Variants in NME7 observed in about 807,000 individuals in gnomAD.
NME7 encodes nucleoside diphosphate kinase 7.
NME7 carries 41 observed loss-of-function variants against 49.1 expected under a neutral mutation model. The observed-to-expected ratio is 0.83, with a 90% CI of 0.65 to 1.08. The LOEUF is 1.08. Among genes scored for constraint, NME7 ranks in the 50% least tolerant of loss-of-function variants. The pLI, the probability that NME7 is intolerant of heterozygous loss-of-function variation, is 0.00. For missense variants in NME7, 423 were observed against 463.4 expected, an observed-to-expected ratio of 0.91 and a Z score of 0.80; for synonymous variants, 139 against 150.6, an observed-to-expected ratio of 0.92 and a Z score of 0.56.
intron 1 of NME7, among the ~76,000 whole-genome samples, chr1:169,366,215 T>A (rs1003408187): frequency 1.3e-5 from 2 of 152,232 alleles, no homozygotes; most frequent in African/African-American, 4.8e-5. Context: ...AAGGAATTAA[T>A]GACTATGAAC....
chr1:169,186,093 G>A (rs926791313), intron 10 of NME7, among the ~76,000 whole-genome samples: 2 of 152,074 alleles, frequency 1.3e-5, no homozygotes, highest in Non-Finnish European at 2.9e-5. Context: ...TGCAAAATGG[G>A]TAAAGATGAA....
chr1:169,215,309 G>T (rs900628533), intron 10 of NME7, among the ~76,000 whole-genome samples: 2 of 152,106 alleles, frequency 1.3e-5, no homozygotes, highest in African/African-American at 2.4e-5. Flanking sequence ...GGCACAGGAT[G>T]GGGGGCAGGG....
At chr1:169,147,805 G>T (rs963771432) in intron 11 of NME7, among the ~76,000 whole-genome samples, 10 of 152,154 alleles carry the variant, frequency 6.6e-5, no homozygotes, top group African/African-American at 2.4e-4. Context: ...GTGTGACTTT[G>T]CTGTGGATAA....
At chr1:169,300,755 T>C (rs1403831542) in intron 5 of NME7, among the ~76,000 whole-genome samples, 2 of 151,922 alleles carry the variant, frequency 1.3e-5, no homozygotes, top group Non-Finnish European at 1.5e-5. Context: ...CACTGGAACA[T>C]AATAGAGAAC....
Position 169,275,466 on chromosome 1 carries a change from G to A in NME7, c.754+11837C>T, listed in dbSNP as rs1360739801. Among the ~76,000 whole-genome samples, 49 of 73,504 alleles carry A rather than the reference G, an allele frequency of 6.7e-4. 2 individuals are homozygous for A. Among genetic ancestry groups the A allele is most frequent in the African/African-American group, 2.2e-3 (46 of 20,856 alleles). The allele number at this position is 73,504 out of a possible 152,430, so 48.2% of individuals were successfully genotyped here. ...TGCACTCCAGCCTGGGCGACAGAGC[G>A]AAACTCCGTCTCAAAAAAAAAAAAA... is the stretch of plus-strand genomic sequence containing the variant. On this transcript the variant is annotated intron_variant, in intron 7 of 11. Transcript: ENST00000367811.
chr1:169,169,607 A>G, intron 10 of NME7, 53 bp from the exon 11 acceptor site: 1 of 1,472,354 alleles, frequency 6.8e-7, no homozygotes, highest in South Asian at 1.1e-5. Flanking sequence ...GGTATAAATA[A>G]GAAAAACACT....
chr1:169,148,349 A>C (rs1413990837), intron 11 of NME7, among the ~76,000 whole-genome samples: 2 of 152,142 alleles, frequency 1.3e-5, no homozygotes, highest in African/African-American at 4.8e-5. Flanking sequence ...TTCTCAATAC[A>C]TGTGCTCTTG....
chr1:169,252,457 A>G (rs1451348788), intron 7 of NME7, among the ~76,000 whole-genome samples: 1 of 151,992 alleles, frequency 6.6e-6, no homozygotes, highest in Admixed American at 6.6e-5. Flanking sequence ...GATTCTGGAT[A>G]TTAGCCCTTT....
In NME7 at chr1:169,236,105, G is replaced by A. The variant is rs372983899; in HGVS notation, c.820-906C>T. 1.9e-3 allele frequency among the ~76,000 whole-genome samples: 288 copies of A among 152,100 alleles called. 2 individuals carry two copies. The highest frequency in any genetic ancestry group is 6.8e-3 in the African/African-American group (282 of 41,530). On this transcript the variant is annotated intron_variant, in intron 8 of 11. Transcript: ENST00000367811. ...ATGGGCAACATTACTACCATAGGGAGGAAATTCTGTTGGATTTCAGTGTTT... is the reference window on the plus strand; with the variant it reads ...ATGGGCAACATTACTACCATAGGGAAGAAATTCTGTTGGATTTCAGTGTTT...
intron 10 of NME7, among the ~76,000 whole-genome samples, chr1:169,226,823 C>T (rs150033513): frequency 8.5e-5 from 13 of 152,240 alleles, no homozygotes; most frequent in African/African-American, 2.2e-4. Context: ...ACATTTTACA[C>T]GTTAAATCAG....
At chr1:169,318,032 C>T (rs568979809) in intron 3 of NME7, among the ~76,000 whole-genome samples, 3 of 152,208 alleles carry the variant, frequency 2.0e-5, no homozygotes, top group Admixed American at 6.5e-5. Flanking sequence ...AATCAGAGTC[C>T]GGCACCTGCA....
chr1:169,197,514 T>C (rs1229653997), intron 10 of NME7, among the ~76,000 whole-genome samples: 1 of 152,114 alleles, frequency 6.6e-6, no homozygotes, highest in Non-Finnish European at 1.5e-5. Context: ...AAGATAGACA[T>C]ATGGATTAAT....
chr1:169,195,737 C>T (rs530916690), intron 10 of NME7, among the ~76,000 whole-genome samples: 2 of 152,272 alleles, frequency 1.3e-5, no homozygotes, highest in East Asian at 3.9e-4. Flanking sequence ...TTTACTAACA[C>T]TCATTCTCTC....
At chr1:169,180,526 C>T (rs1011898303) in intron 10 of NME7, among the ~76,000 whole-genome samples, 1 of 152,108 alleles carries the variant, frequency 6.6e-6, no homozygotes, top group African/African-American at 2.4e-5. Context: ...CCTAAACTGC[C>T]GCATGTCTTC....
At chr1:169,182,223 C>A (rs1441861794) in intron 10 of NME7, among the ~76,000 whole-genome samples, 2 of 150,500 alleles carry the variant, frequency 1.3e-5, no homozygotes, top group Non-Finnish European at 3.0e-5. Flanking sequence ...GCTGTATTAA[C>A]CAGGCTAGTC....
intron 2 of NME7, among the ~76,000 whole-genome samples, chr1:169,324,158 A>T (rs189003691): frequency 3.3e-5 from 5 of 151,930 alleles, no homozygotes; most frequent in Admixed American, 3.3e-4. Context: ...CCCAGCCCCC[A>T]CTTCAGTCTT....
At chr1:169,350,282 G>GAAGGAAGGAAGGAAGA (rs1158036242) in intron 1 of NME7, among the ~76,000 whole-genome samples, 8 of 151,454 alleles carry the variant, frequency 5.3e-5, no homozygotes, top group African/African-American at 1.7e-4. Flanking sequence ...AGGAAGGAAG[G>GAAGGAAGGAAGGAAGA]AAGGAAAGAG....
chr1:169,243,739 T>C (rs1041827983), intron 7 of NME7, among the ~76,000 whole-genome samples: 1 of 152,190 alleles, frequency 6.6e-6, no homozygotes, highest in African/African-American at 2.4e-5. Context: ...CTTCCCACTA[T>C]GGAGAACTGT....
chr1:169,325,194 A>C (rs1446855009), intron 1 of NME7, among the ~76,000 whole-genome samples: 1 of 152,154 alleles, frequency 6.6e-6, no homozygotes, highest in Non-Finnish European at 1.5e-5. Context: ...GATGCAAGGA[A>C]GGTTAAGTGG....
Sources: allele counts gnomAD v4.1 joint callset (sites outside exome capture counted in the v4.1 genomes callset), GRCh38; gene constraint gnomAD v4.1.1; transcripts MANE v1.5; gene names NCBI Gene and HGNC (gene_info 2026-07-23, HGNC 2026-07-21).